Variants in ZNF600 observed in about 807,000 individuals in gnomAD.
ZNF600 encodes the protein zinc finger protein KR-ZNF1.
In ZNF600, 4 loss-of-function variants were observed where a neutral mutation model predicts 7.3. The observed-to-expected ratio is 0.55, with a 90% CI of 0.27 to 1.25. The LOEUF (loss-of-function observed/expected upper bound fraction) is 1.25. Ranked by LOEUF, ZNF600 falls within the 50% of genes most tolerant of loss-of-function variation. The probability of loss-of-function intolerance (pLI) is 0.12; values close to 1 mark genes in which losing one functional copy is unlikely to be tolerated. For synonymous variants in ZNF600, 290 were observed against 308.9 expected (o/e 0.94, Z 0.64); for missense variants, 911 against 922.1 (o/e 0.99, Z 0.16).
chr19:52,793,808 AC>A, the ZNF600 span, among the ~76,000 whole-genome samples: 20 of 116,064 alleles, frequency 1.7e-4, no homozygotes, highest in Non-Finnish European at 3.1e-4. Flanking sequence ...ACACACACAC[AC>A]ACACACACAA....
the ZNF600 span, among the ~76,000 whole-genome samples, chr19:52,792,579 G>A: frequency 1.3e-5 from 2 of 151,986 alleles, no homozygotes; most frequent in African/African-American, 4.8e-5. Flanking sequence ...AAACTCAAAA[G>A]ATTGCAACCA....
At chr19:52,806,032 T>C in the ZNF600 span, 1 of 152,172 alleles carries the variant, frequency 6.6e-6, no homozygotes, top group Non-Finnish European at 1.5e-5. Context: ...GAAACTGGCA[T>C]ATGTATACCT....
the ZNF600 span, among the ~76,000 whole-genome samples, chr19:52,809,580 G>T: frequency 2.0e-5 from 3 of 152,154 alleles, no homozygotes; most frequent in Non-Finnish European, 4.4e-5. Flanking sequence ...GGTCAAGGCG[G>T]GTGAATAACC....
At chr19:52,795,896 C>T in the ZNF600 span, among the ~76,000 whole-genome samples, 35 of 148,706 alleles carry the variant, frequency 2.4e-4, no homozygotes, top group South Asian at 4.7e-4. Flanking sequence ...AGAAACAAGC[C>T]GGGCTTGGTG....
chr19:52,796,410 T>C, the ZNF600 span, among the ~76,000 whole-genome samples: 1 of 152,164 alleles, frequency 6.6e-6, no homozygotes. Context: ...GGGTCACAGG[T>C]AGATAACAAA....
chr19:52,789,761 G>A (rs192375007), upstream of ZNF600, among the ~76,000 whole-genome samples: 2 of 152,232 alleles, frequency 1.3e-5, no homozygotes, highest in East Asian at 3.9e-4. Flanking sequence ...GAAAAATACG[G>A]CCGTACACTT....
chr19:52,792,411 C>T, the ZNF600 span, among the ~76,000 whole-genome samples: 5 of 152,062 alleles, frequency 3.3e-5, no homozygotes, highest in East Asian at 1.9e-4. Flanking sequence ...AGTGCCTCAT[C>T]CAAAAGGCTA....
chr19:52,778,048 C>G (rs1338334578), intron 2 of ZNF600, among the ~76,000 whole-genome samples: 3 of 152,044 alleles, frequency 2.0e-5, no homozygotes, highest in African/African-American at 4.8e-5. Context: ...GAGTCTCACT[C>G]TGTCTCCCAG....
At chr19:52,808,122 T>G in the ZNF600 span, 5 of 1,613,240 alleles carry the variant, frequency 3.1e-6, no homozygotes, top group Non-Finnish European at 4.2e-6. Flanking sequence ...CGTCCCTGAA[T>G]GTCAATAGAC....
upstream of ZNF600, among the ~76,000 whole-genome samples, chr19:52,791,551 A>T (rs984479797): frequency 4.6e-5 from 7 of 151,906 alleles, no homozygotes; most frequent in Admixed American, 1.3e-4. Context: ...TGGCTTCCTC[A>T]TGCAACATGA....
the ZNF600 span, chr19:52,800,525 C>T: frequency 9.9e-6 from 16 of 1,613,446 alleles, no homozygotes; most frequent in Non-Finnish European, 1.0e-5. Flanking sequence ...ATTCATTACA[C>T]TTGTAAGGCT....
the ZNF600 span, among the ~76,000 whole-genome samples, chr19:52,813,388 C>T: frequency 5.9e-5 from 9 of 151,834 alleles, no homozygotes; most frequent in East Asian, 1.9e-4. Context: ...TCTGGGGATT[C>T]GCCATGGACA....
At chr19:52,779,698 C>T (rs2062705024) in intron 1 of ZNF600, among the ~76,000 whole-genome samples, 1 of 152,192 alleles carries the variant, frequency 6.6e-6, no homozygotes, top group Non-Finnish European at 1.5e-5. Context: ...CACCCCTCTG[C>T]TCCCTGACAT....
At chr19:52,829,341 C>A in the ZNF600 span, among the ~76,000 whole-genome samples, 1 of 151,102 alleles carries the variant, frequency 6.6e-6, no homozygotes, top group Non-Finnish European at 1.5e-5. Context: ...CATTAGGTAT[C>A]TCTCCCAATG....
At chr19:52,782,015 C>G (rs988000695) in intron 1 of ZNF600, among the ~76,000 whole-genome samples, 2 of 151,978 alleles carry the variant, frequency 1.3e-5, no homozygotes, top group African/African-American at 4.8e-5. Flanking sequence ...GAGACGAGAT[C>G]GTGCCACTGC....
intron 2 of ZNF600, among the ~76,000 whole-genome samples, chr19:52,777,171 G>A (rs564442273): frequency 6.6e-6 from 1 of 151,928 alleles, no homozygotes; most frequent in Non-Finnish European, 1.5e-5. Context: ...ACAAGGTCAG[G>A]AGTTCGACCA....
the ZNF600 span, chr19:52,805,596 C>T: frequency 4.0e-5 from 6 of 150,918 alleles, no homozygotes; most frequent in South Asian, 2.1e-4. Context: ...CACTGCACTC[C>T]GGCCTGGGCG....
chr19:52,764,195 T>G (rs1008410473), downstream of ZNF600: 2 of 151,278 alleles, frequency 1.3e-5, no homozygotes, highest in East Asian at 1.9e-4. Context: ...ATTTTTAATG[T>G]TTTTTTTTAA....
At chr19:52,802,823 T>C in the ZNF600 span, among the ~76,000 whole-genome samples, 2 of 150,078 alleles carry the variant, frequency 1.3e-5, no homozygotes, top group Admixed American at 6.7e-5. Context: ...TGCAGTGGCA[T>C]GATCTCGGCT....
Sources: allele counts gnomAD v4.1 joint callset (sites outside exome capture counted in the v4.1 genomes callset), GRCh38; gene constraint gnomAD v4.1.1; transcripts MANE v1.5; gene names NCBI Gene and HGNC (gene_info 2026-07-23, HGNC 2026-07-21).